Variants in SLC4A7 observed in about 807,000 individuals in gnomAD.
SLC4A7 encodes the protein solute carrier family 4 member 7.
Under a neutral mutation model 137.6 loss-of-function variants are expected in SLC4A7, and 51 were observed. The ratio of observed to expected loss-of-function variants is 0.37; its 90% CI spans 0.30 to 0.47. The LOEUF (loss-of-function observed/expected upper bound fraction) is 0.47. Among genes scored for constraint, SLC4A7 ranks in the 20% least tolerant of loss-of-function variants. The probability of loss-of-function intolerance (pLI) is 1.00; values close to 1 mark genes in which losing one functional copy is unlikely to be tolerated. For missense variants in SLC4A7, 1,247 were observed against 1,525.4 expected, an observed-to-expected ratio of 0.82 and a Z score of 3.04; for synonymous variants, 542 against 518.6, an observed-to-expected ratio of 1.05 and a Z score of -0.61.
intron 18 of SLC4A7, among the ~76,000 whole-genome samples, chr3:27,396,776 T>A (rs574182155): frequency 1.3e-5 from 2 of 152,314 alleles, no homozygotes; most frequent in African/African-American, 4.8e-5. Flanking sequence ...ACAATGTCTT[T>A]CCTTTTAGCA....
chr3:27,426,116 C>G (rs1473052032), intron 7 of SLC4A7, among the ~76,000 whole-genome samples: 1 of 152,196 alleles, frequency 6.6e-6, no homozygotes, highest in Non-Finnish European at 1.5e-5. Flanking sequence ...GGGTTTACGG[C>G]TTACGCTTTA....
rs1340413578 is a variant in SLC4A7 at position 27,464,820 on chromosome 3, G to A, written c.61-12322C>T. On this transcript the variant is annotated intron_variant, in intron 1 of 25. Coordinates refer to ENST00000454389, the MANE Select transcript of SLC4A7 (RefSeq NM_001321103.2). ...GGAGGATGGGGTGGAACCGCGAAAA[G>A]TTCGCGCCATTTGCAGTGGGGGAAG... Among the ~76,000 whole-genome samples, 8 of 152,154 alleles carry A rather than the reference G, an allele frequency of 5.3e-5. 1 individual carries two copies. Among genetic ancestry groups the A allele is most frequent in the Non-Finnish European group, 1.5e-5 (1 of 68,026 alleles).
chr3:27,419,783 A>T (rs1453538239), intron 10 of SLC4A7, among the ~76,000 whole-genome samples: 1 of 152,172 alleles, frequency 6.6e-6, no homozygotes, highest in Non-Finnish European at 1.5e-5. Context: ...TGAATCAACA[A>T]ATAAAAGGCT....
intron 1 of SLC4A7, among the ~76,000 whole-genome samples, chr3:27,481,759 A>T (rs1287476364): frequency 6.6e-6 from 1 of 152,202 alleles, no homozygotes; most frequent in African/African-American, 2.4e-5. Flanking sequence ...TACCCTTCTA[A>T]AGTGCTCCCC....
intron 11 of SLC4A7, among the ~76,000 whole-genome samples, chr3:27,415,526 A>G (rs1001768022): frequency 1.3e-5 from 2 of 152,214 alleles, no homozygotes; most frequent in Non-Finnish European, 2.9e-5. Context: ...CATTATTTCC[A>G]GAACAGAGTA....
rs2049676548 is a variant in SLC4A7 at position 27,373,169 on chromosome 3, G to A, written c.*3595C>T. The A allele has an allele frequency of 1.3e-5, 2 of 150,932 alleles. No homozygotes were observed. The highest frequency in any genetic ancestry group is 2.4e-5 in the African/African-American group (1 of 41,060). 9.3% of individuals were successfully genotyped at this position (150,932 alleles called of 1,614,324 possible). On this transcript the variant is annotated 3_prime_UTR_variant, in exon 26 of 26. Coordinates refer to ENST00000454389, the MANE Select transcript of SLC4A7 (RefSeq NM_001321103.2). ...GATTAAAAAAACAAAACAAAACTGG[G>A]GTTTAACAATTAAGTCAAATGTTCA... is the stretch of plus-strand genomic sequence containing the variant.
intron 18 of SLC4A7, among the ~76,000 whole-genome samples, chr3:27,396,599 T>G (rs1040033444): frequency 6.6e-6 from 1 of 152,078 alleles, no homozygotes; most frequent in South Asian, 2.1e-4. Context: ...AGACCACTGA[T>G]TTTAAAAATA....
chr3:27,476,893 A>G (rs1041995694), intron 1 of SLC4A7, among the ~76,000 whole-genome samples: 1 of 152,164 alleles, frequency 6.6e-6, no homozygotes, highest in Non-Finnish European at 1.5e-5. Context: ...CATCCATTGA[A>G]CAAATATATT....
chr3:27,465,370 A>T (rs2058930935), intron 1 of SLC4A7, among the ~76,000 whole-genome samples: 1 of 151,822 alleles, frequency 6.6e-6, no homozygotes, highest in Admixed American at 6.6e-5. Context: ...AAAAGCAAGT[A>T]ACATTTTTGA....
At chr3:27,424,391 C>G (rs2055327280) in intron 7 of SLC4A7, 2 of 314,878 alleles carry the variant, frequency 6.4e-6, no homozygotes, top group Admixed American at 4.8e-5. Context: ...AAAATTGTGG[C>G]CTTTTGCAAA....
chr3:27,437,447 C>T lies in SLC4A7; in HGVS notation c.369G>A (p.Thr123=), dbSNP rs764094850. The T allele has an allele frequency of 4.8e-5, 77 of 1,601,856 alleles. No homozygotes were observed. The highest frequency in any genetic ancestry group is 6.0e-5 in the Non-Finnish European group (70 of 1,172,576). The change falls in exon 4 of 26, where the codon ACG becomes ACA. Residue 123 remains threonine, a synonymous_variant. Coordinates refer to ENST00000454389, the MANE Select transcript of SLC4A7 (RefSeq NM_001321103.2). Reference sequence around the variant, plus strand: ...CTCTGTAACACAGTTCATCCATTTCCGTGAAGAGATCATGGGGAATATGTT... The same window carrying T: ...CTCTGTAACACAGTTCATCCATTTCTGTGAAGAGATCATGGGGAATATGTT... ...DEEHIPHDLF[T]EMDELCYRDG...
At chr3:27,384,766 C>A (rs1047720691) in intron 23 of SLC4A7, among the ~76,000 whole-genome samples, 7 of 152,006 alleles carry the variant, frequency 4.6e-5, no homozygotes, top group Non-Finnish European at 8.8e-5. Flanking sequence ...AGTTGAAGAC[C>A]AGCCTGGCCA....
At chr3:27,470,997 A>G (rs1221459552) in intron 1 of SLC4A7, among the ~76,000 whole-genome samples, 7 of 152,142 alleles carry the variant, frequency 4.6e-5, no homozygotes, top group Non-Finnish European at 1.0e-4. Context: ...AAAGAAACAC[A>G]TTTTGCATCA....
Position 27,448,747 on chromosome 3 carries a change from G to A in SLC4A7, c.193C>T (p.Arg65Cys), listed in dbSNP as rs781094576. The change falls in exon 3 of 26, where the codon CGT (arginine) becomes TGT (cysteine). Residue 65 changes from arginine (R) to cysteine (C), a missense_variant. Physicochemically the swap from Arg to Cys is radical, Grantham distance 180. Around this residue, in one of 6 missense-constraint regions of SLC4A7, gnomAD observed 176 missense variants for 186.4 expected, o/e 0.94. Transcript: ENST00000454389. Reference sequence around the variant, plus strand: ...TGTCCGCGATGCCTATGACGCCGACGACTCTCTTTACTAAACGGGACGTGA... The same window carrying A: ...TGTCCGCGATGCCTATGACGCCGACAACTCTCTTTACTAAACGGGACGTGA... ...GVHVPFSKES[R>C]RRHRHRGHKH... The A allele has an allele frequency of 5.0e-6, 8 of 1,613,014 alleles. 1 individual carries two copies. The highest frequency in any genetic ancestry group is 4.5e-5 in the East Asian group (2 of 44,816).
intron 3 of SLC4A7, among the ~76,000 whole-genome samples, chr3:27,443,028 T>TTTC: frequency 7.9e-6 from 1 of 127,126 alleles, no homozygotes; most frequent in East Asian, 2.2e-4. Context: ...TTTTTTCTTT[T>TTTC]TTTCTTTTTT....
intron 2 of SLC4A7, among the ~76,000 whole-genome samples, chr3:27,450,933 C>T (rs1314762855): frequency 3.9e-5 from 6 of 152,030 alleles, no homozygotes; most frequent in South Asian, 4.2e-4. Context: ...CCAAAGGAAT[C>T]GAAGGAATAT....
chr3:27,449,433 T>A (rs1184084374), intron 2 of SLC4A7, among the ~76,000 whole-genome samples: 2 of 150,740 alleles, frequency 1.3e-5, no homozygotes, highest in South Asian at 2.1e-4. Context: ...ATTTACTAAT[T>A]TTTGAGTTTT....
At chr3:27,451,723 A>C (rs73151848) in intron 2 of SLC4A7, among the ~76,000 whole-genome samples, 7,906 of 152,190 alleles carry the variant, frequency 0.052, 683 homozygotes, top group African/African-American at 0.18. Context: ...GTGAAGCCTA[A>C]ATAAAATCTG....
intron 12 of SLC4A7, among the ~76,000 whole-genome samples, chr3:27,410,137 AAACT>A (rs1175875326): frequency 5.9e-5 from 9 of 152,204 alleles, no homozygotes; most frequent in African/African-American, 1.7e-4. Context: ...TACATTAATA[AAACT>A]AACAGGTTTC....
Sources: allele counts gnomAD v4.1 joint callset (sites outside exome capture counted in the v4.1 genomes callset), GRCh38; gene constraint gnomAD v4.1.1; regional missense constraint gnomAD v4.1.1; transcripts MANE v1.5; gene names NCBI Gene and HGNC (gene_info 2026-07-23, HGNC 2026-07-21).